Variants in UNC45B observed in about 807,000 individuals in gnomAD.
UNC45B encodes protein unc-45 homolog B.
A neutral mutation model predicts 98.7 loss-of-function variants in UNC45B; 78 were observed. The observed-to-expected ratio is 0.79, with a 90% CI of 0.66 to 0.95. The LOEUF (loss-of-function observed/expected upper bound fraction) is 0.95, where lower values mean the gene tolerates loss of function less well. Ranked by LOEUF, UNC45B falls within the 40% of genes least tolerant of loss-of-function variation. UNC45B has a pLI of 0.00. For synonymous variants in UNC45B, 462 were observed against 480.4 expected (o/e 0.96, Z 0.50); for missense variants, 1,225 against 1,184.9 (o/e 1.03, Z -0.50).
chr17:35,149,841 C>T (rs1419742923), intron 3 of UNC45B, among the ~76,000 whole-genome samples: 1 of 152,224 alleles, frequency 6.6e-6, no homozygotes, highest in African/African-American at 2.4e-5. Context: ...ACATGACCCC[C>T]AAGCTCTCTT....
intron 1 of UNC45B, 87 bp from the exon 2 acceptor site, chr17:35,148,177 C>A: frequency 6.8e-7 from 1 of 1,477,944 alleles, no homozygotes; most frequent in South Asian, 1.2e-5. Flanking sequence ...TGTGAGGGGA[C>A]CCTGGAGCTC....
Position 35,168,045 on chromosome 17 carries a change from T to C in UNC45B, c.1152-16T>C. The stretch of plus-strand genomic sequence containing the variant: ...CTTGGACCAGTTCTCTTGACCACCC[T>C]TGTCCTTTGTTTTAGGGGCAAGTTT... On this transcript the variant is annotated splice_polypyrimidine_tract_variant and intron_variant, in intron 9 of 19. Coordinates refer to ENST00000394570, the MANE Select transcript of UNC45B (RefSeq NM_001267052.2). The C allele has an allele frequency of 6.8e-7, 1 of 1,475,994 alleles. No individual in the cohort carries two copies. Among genetic ancestry groups the C allele is most frequent in the East Asian group, 2.5e-5 (1 of 39,458 alleles). 91.4% of individuals were successfully genotyped at this position (1,475,994 alleles called of 1,614,324 possible). A position where few individuals can be genotyped will look rare whatever the true frequency, so the allele number is the denominator to read the frequency against.
At chr17:35,148,184 G>T in intron 1 of UNC45B, 80 bp from the exon 2 acceptor site, 1 of 1,526,596 alleles carries the variant, frequency 6.6e-7, no homozygotes, top group South Asian at 1.2e-5. Flanking sequence ...GGACCCTGGA[G>T]CTCCGGACCT....
At chr17:35,168,019 T>C (rs1190011771) in intron 9 of UNC45B, 42 bp from the exon 10 acceptor site, 1 of 1,423,352 alleles carries the variant, frequency 7.0e-7, no homozygotes, top group Non-Finnish European at 9.3e-7. Flanking sequence ...CTTTCCACTC[T>C]CTTGGACCAG....
At position 35,187,184 on chromosome 17, in the gene UNC45B, A is replaced by G. The variant is rs955544449; in HGVS notation, c.*625A>G. 3 of 152,854 alleles carry G rather than the reference A, an allele frequency of 2.0e-5. No homozygotes were observed. Among genetic ancestry groups the G allele is most frequent in the African/African-American group, 7.2e-5 (3 of 41,442 alleles). 9.5% of individuals were successfully genotyped at this position (152,854 alleles called of 1,614,324 possible). ...AGCAAGATGGACATGATGAATACAA[A>G]TAAGATCTACTCAAAGTACTTCAAA... On this transcript the variant is annotated 3_prime_UTR_variant, in exon 20 of 20. Coordinates refer to ENST00000394570, the MANE Select transcript of UNC45B (RefSeq NM_001267052.2).
At position 35,177,483 on chromosome 17, in the gene UNC45B, C is replaced by A; in HGVS notation, c.2140-12C>A. 1 of 1,550,838 alleles carries A rather than the reference C, an allele frequency of 6.4e-7. No homozygotes were observed. Among genetic ancestry groups the A allele is most frequent in the South Asian group, 1.2e-5 (1 of 84,072 alleles). ...TCCTCACCTGACCAAACCCTTGACC[C>A]CTCCCCAACAGGTGTATGAGGTGGT... is the stretch of plus-strand genomic sequence containing the variant. On this transcript the variant is annotated splice_polypyrimidine_tract_variant and intron_variant, in intron 16 of 19. Coordinates refer to ENST00000394570, the MANE Select transcript of UNC45B (RefSeq NM_001267052.2).
At chr17:35,181,852 G>A (rs2092276264) in intron 18 of UNC45B, among the ~76,000 whole-genome samples, 1 of 151,844 alleles carries the variant, frequency 6.6e-6, no homozygotes, top group South Asian at 2.1e-4. Context: ...GGTCTACCAG[G>A]GAACTGGCCT....
At chr17:35,154,204 C>T (rs1335665320) in intron 5 of UNC45B, among the ~76,000 whole-genome samples, 1 of 152,182 alleles carries the variant, frequency 6.6e-6, no homozygotes. Context: ...CACTTCATTT[C>T]TCCACCTTTT....
chr17:35,180,401 C>G (rs1294181879), intron 17 of UNC45B, among the ~76,000 whole-genome samples, 158 bp from the exon 18 acceptor site: 1 of 152,086 alleles, frequency 6.6e-6, no homozygotes. Context: ...GGTGCCCCTC[C>G]TAGAGCTGGG....
chr17:35,174,739 A>C (rs1410200342), intron 14 of UNC45B, among the ~76,000 whole-genome samples: 1 of 151,816 alleles, frequency 6.6e-6, no homozygotes, highest in Non-Finnish European at 1.5e-5. Flanking sequence ...AGGATCACTT[A>C]AGCCCAGGAA....
intron 19 of UNC45B, among the ~76,000 whole-genome samples, chr17:35,184,166 T>C (rs2092289979): frequency 6.6e-6 from 1 of 152,224 alleles, no homozygotes; most frequent in Admixed American, 6.5e-5. Context: ...TTCATGTCTG[T>C]TTTAAAGGCA....
chr17:35,177,740 G>A, intron 17 of UNC45B, 130 bp downstream of exon 17: 1 of 667,060 alleles, frequency 1.5e-6, no homozygotes, highest in Non-Finnish European at 2.5e-6. Context: ...ATTTGAGTTA[G>A]CACAAATCCA....
intron 18 of UNC45B, among the ~76,000 whole-genome samples, chr17:35,181,823 G>T (rs1413314938): frequency 6.6e-6 from 1 of 151,342 alleles, no homozygotes; most frequent in African/African-American, 2.4e-5. Flanking sequence ...ATTAAAGTCA[G>T]GGGGAATGAA....
chr17:35,148,919 T>G, intron 2 of UNC45B, 54 bp from the exon 3 acceptor site: 1 of 1,609,998 alleles, frequency 6.2e-7, no homozygotes, highest in Non-Finnish European at 8.5e-7. Flanking sequence ...TCTCTGGCCA[T>G]CTCTGCATTG....
At chr17:35,175,817 A>G in intron 14 of UNC45B, 151 bp from the exon 15 acceptor site, 1 of 687,706 alleles carries the variant, frequency 1.5e-6, no homozygotes, top group Non-Finnish European at 2.5e-6. Flanking sequence ...AAAGTGGTTA[A>G]TTCTGGGGCA....
chr17:35,149,000 G>C lies in UNC45B; in HGVS notation c.196G>C (p.Ala66Pro). The change falls in exon 3 of 20, where the codon GCC becomes CCC. Residue 66 changes from alanine (A) to proline (P), a missense_variant. By Grantham distance (27) the Ala-to-Pro change is conservative. Transcript: ENST00000394570. ...TESYVQAASD[A>P]SRAIDINSSD... ...GAGCTACGTCCAGGCAGCTTCAGAT[G>C]CCTCCAGAGGTGAGCCCCTCCCACC... The C allele has an allele frequency of 6.2e-7, 1 of 1,614,060 alleles. No individual in the cohort carries two copies. The highest frequency in any genetic ancestry group is 8.5e-7 in the Non-Finnish European group (1 of 1,180,018).
chr17:35,150,672 C>T (rs1359326538), intron 4 of UNC45B, among the ~76,000 whole-genome samples: 1 of 152,120 alleles, frequency 6.6e-6, no homozygotes, highest in Non-Finnish European at 1.5e-5. Flanking sequence ...TTGTTTGAAC[C>T]TGGGAGGTGG....
chr17:35,151,917 A>T (rs2092022494), intron 4 of UNC45B, among the ~76,000 whole-genome samples: 1 of 150,918 alleles, frequency 6.6e-6, no homozygotes, highest in Non-Finnish European at 1.5e-5. Flanking sequence ...TGGGCAACAT[A>T]GGGAGAGACG....
chr17:35,171,292 T>C, intron 12 of UNC45B, 30 bp from the exon 13 acceptor site: 1 of 1,606,568 alleles, frequency 6.2e-7, no homozygotes, highest in Non-Finnish European at 8.5e-7. Flanking sequence ...TCCTTTCTGC[T>C]TTCCCTCTCC....
Sources: allele counts gnomAD v4.1 joint callset (sites outside exome capture counted in the v4.1 genomes callset), GRCh38; gene constraint gnomAD v4.1.1; transcripts MANE v1.5; gene names NCBI Gene and HGNC (gene_info 2026-07-23, HGNC 2026-07-21).